The following IQUB variants were observed in gnomAD, a reference collection of about 807,000 sequenced individuals.
IQUB encodes IQ motif and ubiquitin-like domain-containing protein.
Under a neutral mutation model 86.4 loss-of-function variants are expected in IQUB, and 86 were observed. The observed-to-expected ratio is 1.00, with a 90% CI of 0.84 to 1.19. The LOEUF (loss-of-function observed/expected upper bound fraction) is 1.19, where lower values mean the gene tolerates loss of function less well. Among genes scored for constraint, IQUB ranks in the 50% most tolerant of loss-of-function variants. The pLI is 0.00. For missense variants in IQUB, 946 were observed against 916.9 expected (o/e 1.03, Z -0.41); for synonymous variants, 289 against 304.5 (o/e 0.95, Z 0.53).
At chr7:123,525,172 T>C (rs1383970440) in intron 1 of IQUB, among the ~76,000 whole-genome samples, 4 of 152,188 alleles carry the variant, frequency 2.6e-5, no homozygotes, top group Non-Finnish European at 5.9e-5. Context: ...CTTTTTTGGT[T>C]GTGTCTCTGC....
chr7:123,494,335 A>G (rs1584603285), intron 7 of IQUB, among the ~76,000 whole-genome samples: 1 of 152,152 alleles, frequency 6.6e-6, no homozygotes, highest in East Asian at 1.9e-4. Context: ...GTTAAGTTTC[A>G]TATTATGAAT....
chr7:123,496,108 AG>A (rs1795696669), intron 7 of IQUB, among the ~76,000 whole-genome samples: 1 of 152,138 alleles, frequency 6.6e-6, no homozygotes, highest in South Asian at 2.1e-4. Flanking sequence ...ACCTCCAAGA[AG>A]GGGAATCGTG....
intron 6 of IQUB, among the ~76,000 whole-genome samples, chr7:123,500,585 G>C: frequency 6.6e-6 from 1 of 151,792 alleles, no homozygotes; most frequent in East Asian, 1.9e-4. Context: ...CAAGTAGAAA[G>C]GAATCAAGGT....
In IQUB at chr7:123,511,929, T is replaced by A; in HGVS notation, c.397+15A>T. 6.6e-7 allele frequency: 1 copy of A among 1,517,276 alleles called. No homozygotes were observed. Among genetic ancestry groups the A allele is most frequent in the Non-Finnish European group, 8.9e-7 (1 of 1,124,814 alleles). 94.0% of individuals were successfully genotyped at this position (1,517,276 alleles called of 1,614,324 possible). The stretch of plus-strand genomic sequence containing the variant: ...AAATGAGAAAATGAAATAGCCTATC[T>A]TCCTTAGGTAGTACCTGTTGCTAGA... On this transcript the variant is annotated intron_variant, in intron 2 of 12. Transcript: ENST00000324698.
chr7:123,455,959 A>AT (rs942811238), intron 12 of IQUB, among the ~76,000 whole-genome samples: 1 of 152,054 alleles, frequency 6.6e-6, no homozygotes, highest in African/African-American at 2.4e-5. Flanking sequence ...ACTTGCAAGT[A>AT]TTTTTTTAAC....
At chr7:123,493,800 C>T (rs1226540910) in intron 7 of IQUB, among the ~76,000 whole-genome samples, 1 of 141,084 alleles carries the variant, frequency 7.1e-6, no homozygotes, top group Non-Finnish European at 1.5e-5. Context: ...TACATATACA[C>T]AAGTAGTACT....
intron 8 of IQUB, among the ~76,000 whole-genome samples, chr7:123,473,724 C>T (rs1277946174): frequency 4.0e-5 from 6 of 151,076 alleles, no homozygotes; most frequent in African/African-American, 1.5e-4. Context: ...TACAGGCACC[C>T]GCCACAATGC....
At position 123,496,272 on chromosome 7, in the gene IQUB, T is replaced by A. The variant is rs558275174; in HGVS notation, c.1234+424A>T. Among the ~76,000 whole-genome samples the A allele has an allele frequency of 2.0e-5, 3 of 152,178 alleles. No individual in the cohort carries two copies. The East Asian group carries it at 5.8e-4, about 29-fold the overall frequency. ...ATATAGTATTATTAATAAGGGGGAA[T>A]TTTAAAAATATTGCCAAGCCCCTTC... is the stretch of plus-strand genomic sequence containing the variant. On this transcript the variant is annotated intron_variant, in intron 7 of 12. Transcript: ENST00000324698.
intron 6 of IQUB, among the ~76,000 whole-genome samples, chr7:123,500,632 C>A (rs565834665): frequency 6.6e-6 from 1 of 152,266 alleles, no homozygotes; most frequent in African/African-American, 2.4e-5. Context: ...ACTCCCTATA[C>A]CGGCTTTTAA....
chr7:123,476,911 C>A lies in IQUB; in HGVS notation c.1410+2884G>T, dbSNP rs542459174. On this transcript the variant is annotated intron_variant, in intron 8 of 12. Transcript: ENST00000324698. ...TAAAGGACCTCTTCAAGGAGAACTACAAACCACTGCTCAATGAAATAAAAG... is the reference window on the plus strand; with the variant it reads ...TAAAGGACCTCTTCAAGGAGAACTAAAAACCACTGCTCAATGAAATAAAAG... Among the ~76,000 whole-genome samples the A allele has an allele frequency of 3.3e-5, 5 of 152,108 alleles. No individual in the cohort carries two copies. In the South Asian group the frequency reaches 1.0e-3, roughly 32 times the overall value.
At chr7:123,512,507 C>A (rs1796466046) in intron 1 of IQUB, among the ~76,000 whole-genome samples, 163 bp from the exon 2 acceptor site, 1 of 151,936 alleles carries the variant, frequency 6.6e-6, no homozygotes, top group Non-Finnish European at 1.5e-5. Context: ...AAAAAAAGAA[C>A]CTCAAAACAA....
intron 8 of IQUB, 123 bp from the exon 9 acceptor site, chr7:123,469,507 T>C: frequency 2.1e-6 from 1 of 473,440 alleles, no homozygotes; most frequent in Non-Finnish European, 3.6e-6. Flanking sequence ...TTGCTAAAGC[T>C]TATGAAAATT....
At chr7:123,516,630 GA>G (rs1243669364) in intron 1 of IQUB, among the ~76,000 whole-genome samples, 2 of 151,578 alleles carry the variant, frequency 1.3e-5, no homozygotes. Flanking sequence ...GAAACACTCA[GA>G]AAAGTATGAA....
At chr7:123,514,348 G>C (rs1315127752) in intron 1 of IQUB, among the ~76,000 whole-genome samples, 1 of 152,064 alleles carries the variant, frequency 6.6e-6, no homozygotes, top group Non-Finnish European at 1.5e-5. Flanking sequence ...TAGTTACTAA[G>C]TTACCACCAA....
intron 12 of IQUB, among the ~76,000 whole-genome samples, chr7:123,453,185 G>T (rs572782454): frequency 6.2e-4 from 94 of 150,440 alleles, no homozygotes; most frequent in African/African-American, 2.2e-3. Flanking sequence ...TCCCATTTGA[G>T]CCAGAGGCCT....
At chr7:123,469,423 A>G (rs368210799) in intron 8 of IQUB, 39 bp from the exon 9 acceptor site, 62 of 1,264,030 alleles carry the variant, frequency 4.9e-5, no homozygotes, top group Non-Finnish European at 6.7e-5. Context: ...TCAGTTAATT[A>G]GAAACTACGT....
chr7:123,519,265 T>C (rs1796792869), intron 1 of IQUB, among the ~76,000 whole-genome samples: 1 of 152,076 alleles, frequency 6.6e-6, no homozygotes, highest in Admixed American at 6.5e-5. Context: ...CTTAAAAAAC[T>C]AAAAATAGTT....
chr7:123,529,776 C>A (rs552231112), intron 1 of IQUB, among the ~76,000 whole-genome samples: 1 of 146,734 alleles, frequency 6.8e-6, no homozygotes, highest in Non-Finnish European at 1.5e-5. Flanking sequence ...TGGCTCATGC[C>A]TGTAATCCCA....
chr7:123,478,574 A>T (rs1208651433), intron 8 of IQUB, among the ~76,000 whole-genome samples: 1 of 152,168 alleles, frequency 6.6e-6, no homozygotes, highest in East Asian at 1.9e-4. Flanking sequence ...GTGTAATAAA[A>T]AAAAGAAACA....
Sources: allele counts gnomAD v4.1 joint callset (sites outside exome capture counted in the v4.1 genomes callset), GRCh38; gene constraint gnomAD v4.1.1; transcripts MANE v1.5; gene names NCBI Gene and HGNC (gene_info 2026-07-23, HGNC 2026-07-21).